The following EPN2 variants were observed in gnomAD, a reference collection of about 807,000 sequenced individuals.
The protein encoded by EPN2 is epsin 2.
EPN2 carries 34 observed loss-of-function variants against 61.7 expected under a neutral mutation model. The observed-to-expected ratio is 0.55, with a 90% CI of 0.42 to 0.73. The LOEUF is 0.73. Among genes scored for constraint, EPN2 ranks in the 30% least tolerant of loss-of-function variants. EPN2 has a pLI of 0.00. For synonymous variants in EPN2, 349 were observed against 353.6 expected (o/e 0.99, Z 0.15); for missense variants, 714 against 839.2 (o/e 0.85, Z 1.84).
At chr17:19,261,431 T>C (rs780136384) in intron 1 of EPN2, among the ~76,000 whole-genome samples, 5 of 152,264 alleles carry the variant, frequency 3.3e-5, no homozygotes, top group Non-Finnish European at 7.3e-5. Context: ...ATTGGTTTTT[T>C]CTCAATTTCT....
intron 4 of EPN2, chr17:19,308,117 A>T: frequency 3.7e-6 from 3 of 818,916 alleles, no homozygotes; most frequent in Non-Finnish European, 4.4e-6. Context: ...TCTTTTGCCC[A>T]GGCTGGAGTG....
rs907520008 is a variant in EPN2, at chr17:19,333,873, C to T, written c.1628-83C>T. On this transcript the variant is annotated intron_variant, in intron 10 of 10. Transcript: ENST00000314728. ...TCTGAGGGCACAGCAGGGACCAGAA[C>T]ACCCGCATGCAGTCCCTGACCTGGG... The T allele has an allele frequency of 2.5e-6, 3 of 1,219,534 alleles. No individual in the cohort carries two copies. The African/African-American group carries it at 4.6e-5, about 19-fold the overall frequency. The allele number at this position is 1,219,534 out of a possible 1,614,324, so 75.5% of individuals were successfully genotyped here.
intron 4 of EPN2, among the ~76,000 whole-genome samples, chr17:19,289,364 G>A (rs965638292): frequency 5.9e-5 from 9 of 152,042 alleles, no homozygotes; most frequent in Non-Finnish European, 1.3e-4. Context: ...GATTACAGGT[G>A]TGAGCCACCG....
At chr17:19,325,095 G>A (rs1906809155) in intron 7 of EPN2, among the ~76,000 whole-genome samples, 1 of 152,198 alleles carries the variant, frequency 6.6e-6, no homozygotes. Context: ...AATCATGGAA[G>A]GTATGGAATC....
intron 3 of EPN2, among the ~76,000 whole-genome samples, chr17:19,284,203 A>G (rs1005578472): frequency 1.3e-5 from 2 of 152,202 alleles, no homozygotes; most frequent in African/African-American, 2.4e-5. Context: ...CAGCAAAAAA[A>G]CTTGTACAGG....
rs1346143095 is a variant in EPN2, at chr17:19,328,798, C to T, written c.1235C>T (p.Ala412Val). 2.5e-6 allele frequency: 4 copies of T among 1,613,558 alleles called. No individual in the cohort carries two copies. In the African/African-American group the frequency reaches 5.3e-5, roughly 22 times the overall value. Residue 412 changes from alanine (A) to valine (V), a missense_variant, in exon 8 of 11, where the codon GCA (alanine) becomes GTA (valine). Ala to Val is a moderately conservative substitution (Grantham distance 64, BLOSUM62 0). This residue lies in a region of EPN2 where 410 missense variants were observed against 421.8 expected (regional missense o/e 0.97). Transcript: ENST00000314728. ...QSVPKNSDPW[A>V]ASQQPASSAG... is the part of the protein sequence containing the mutation. Reference sequence around the variant, plus strand: ...GTCCCCAAGAACTCGGACCCCTGGGCAGCTTCACAGCAGCCTGCCTCCAGT... The same window carrying T: ...GTCCCCAAGAACTCGGACCCCTGGGTAGCTTCACAGCAGCCTGCCTCCAGT...
At chr17:19,303,887 G>A (rs1006637468) in intron 4 of EPN2, 25 of 152,094 alleles carry the variant, frequency 1.6e-4, no homozygotes, top group African/African-American at 6.0e-4. Context: ...GGCAGATCAC[G>A]AGGTTAGGAG....
chr17:19,335,199 A>G lies in EPN2; in HGVS notation c.*945A>G. The stretch of plus-strand genomic sequence containing the variant: ...TAAAAAAAAAACAACAGCAACAAAA[A>G]ATCCTAGCCTCCAGTTGCCTTTTCC... On this transcript the variant is annotated 3_prime_UTR_variant, in exon 11 of 11. Transcript: ENST00000314728. 1 of 412,156 alleles carries G rather than the reference A, an allele frequency of 2.4e-6. No homozygotes were observed. Among genetic ancestry groups the G allele is most frequent in the East Asian group, 3.5e-5 (1 of 28,374 alleles). 25.5% of individuals were successfully genotyped at this position (412,156 alleles called of 1,614,324 possible). A position where few individuals can be genotyped will look rare whatever the true frequency, so the allele number is the denominator to read the frequency against.
chr17:19,288,103 T>C (rs2045423517), intron 4 of EPN2, among the ~76,000 whole-genome samples: 1 of 152,222 alleles, frequency 6.6e-6, no homozygotes, highest in Non-Finnish European at 1.5e-5. Context: ...TCCCAGAGCC[T>C]TTGACGTTGC....
chr17:19,309,235 C>T lies in EPN2; in HGVS notation c.767-650C>T, dbSNP rs140828263. 1.6e-3 allele frequency among the ~76,000 whole-genome samples: 242 copies of T among 151,918 alleles called. 3 individuals are homozygous for T. Among genetic ancestry groups the T allele is most frequent in the African/African-American group, 5.1e-3 (213 of 41,404 alleles). On this transcript the variant is annotated intron_variant, in intron 4 of 10. Coordinates refer to ENST00000314728, the MANE Select transcript of EPN2 (RefSeq NM_014964.5). ...TTGGCTCACTGCAACCTCCATATCC[C>T]GGGTCTCTAAGTGATTCTCCTGCTA...
intron 1 of EPN2, among the ~76,000 whole-genome samples, chr17:19,275,627 A>T (rs954320005): frequency 6.6e-6 from 1 of 152,108 alleles, no homozygotes; most frequent in African/African-American, 2.4e-5. Context: ...GGGCGGGGGA[A>T]CTGTGGGGCT....
Position 19,262,876 on chromosome 17 carries a change from G to A in EPN2, c.-293-19079G>A, listed in dbSNP as rs546941723. Reference sequence around the variant, plus strand: ...TTGTGTTTGGCTTCTTACATTCAGTGTAATGTTGTCGAGGTTCATCCATAT... The same window carrying A: ...TTGTGTTTGGCTTCTTACATTCAGTATAATGTTGTCGAGGTTCATCCATAT... On this transcript the variant is annotated intron_variant, in intron 1 of 10. Coordinates refer to ENST00000314728, the MANE Select transcript of EPN2 (RefSeq NM_014964.5). Among the ~76,000 whole-genome samples, 27 of 152,362 alleles carry A rather than the reference G, an allele frequency of 1.8e-4. 1 individual carries two copies. In the South Asian group the frequency reaches 5.2e-3, roughly 29 times the overall value.
chr17:19,276,774 T>TTTTTG (rs1491180435), intron 1 of EPN2, among the ~76,000 whole-genome samples: 5 of 36,688 alleles, frequency 1.4e-4, no homozygotes, highest in Admixed American at 3.8e-4. Flanking sequence ...TGAGAATAAG[T>TTTTTG]TTTTTTTTTT....
chr17:19,335,583 G>A lies in EPN2; in HGVS notation c.*1329G>A, dbSNP rs1567873873. On this transcript the variant is annotated 3_prime_UTR_variant, in exon 11 of 11. Transcript: ENST00000314728. ...GGGTGGGGGGTGCTTCTGTGCCCAC[G>A]GGTCCCTGGGCAACAGTCCCTAGGC... 12 of 1,063,726 alleles carry A rather than the reference G, an allele frequency of 1.1e-5. No individual in the cohort carries two copies. Among genetic ancestry groups the A allele is most frequent in the South Asian group, 5.6e-5 (3 of 53,396 alleles). 65.9% of individuals were successfully genotyped at this position (1,063,726 alleles called of 1,614,324 possible).
intron 1 of EPN2, among the ~76,000 whole-genome samples, chr17:19,245,794 C>T (rs1485479851): frequency 6.6e-6 from 1 of 151,960 alleles, no homozygotes. Context: ...TCCTGAGTAG[C>T]TGGGACTACA....
At chr17:19,289,569 G>A (rs142828678) in intron 4 of EPN2, among the ~76,000 whole-genome samples, 53 of 151,976 alleles carry the variant, frequency 3.5e-4, no homozygotes, top group Non-Finnish European at 6.5e-4. Context: ...AGGACACATC[G>A]AAGTGTCTCC....
chr17:19,273,271 T>A (rs1400128900), intron 1 of EPN2: 1 of 152,144 alleles, frequency 6.6e-6, no homozygotes, highest in Non-Finnish European at 1.5e-5. Flanking sequence ...GCCTTTTTTT[T>A]AGAGGTTGGT....
In EPN2 at chr17:19,334,261, G is replaced by C; in HGVS notation, c.*7G>C. ...CAACCCTTTCCTTCTCTAGTGCCTG[G>C]GCCTGGGACCCACCCAGAGCACCTG... On this transcript the variant is annotated 3_prime_UTR_variant, in exon 11 of 11. Coordinates refer to ENST00000314728, the MANE Select transcript of EPN2 (RefSeq NM_014964.5). The surrounding 1 kb of genome is among the most constrained non-coding windows in gnomAD (Gnocchi z 4.9). 1 of 1,436,956 alleles carries C rather than the reference G, an allele frequency of 7.0e-7. No individual in the cohort carries two copies. Among genetic ancestry groups the C allele is most frequent in the Non-Finnish European group, 9.2e-7 (1 of 1,086,028 alleles). The allele number at this position is 1,436,956 out of a possible 1,614,324, so 89.0% of individuals were successfully genotyped here. A position where few individuals can be genotyped will look rare whatever the true frequency, so the allele number is the denominator to read the frequency against.
chr17:19,262,743 C>G (rs1464748028), intron 1 of EPN2, among the ~76,000 whole-genome samples: 2 of 151,392 alleles, frequency 1.3e-5, no homozygotes, highest in Admixed American at 6.6e-5. Flanking sequence ...CAGTCATTTC[C>G]CCTCCCATTC....
Sources: allele counts gnomAD v4.1 joint callset (sites outside exome capture counted in the v4.1 genomes callset), GRCh38; gene constraint gnomAD v4.1.1; regional missense constraint gnomAD v4.1.1; non-coding constraint Gnocchi (gnomAD v3.1); transcripts MANE v1.5; gene names NCBI Gene and HGNC (gene_info 2026-07-23, HGNC 2026-07-21).